Variants in XNDC1N observed in about 807,000 individuals in gnomAD.
XNDC1N encodes the protein protein XNDC1N.
the XNDC1N span, among the ~76,000 whole-genome samples, chr11:71,886,139 G>T: frequency 3.6e-3 from 549 of 152,096 alleles, 4 homozygotes; most frequent in African/African-American, 0.013. Flanking sequence ...GTGGAGAGGC[G>T]TGTTTTTGGG....
chr11:71,910,001 C>T, the XNDC1N span, among the ~76,000 whole-genome samples: 26 of 151,938 alleles, frequency 1.7e-4, no homozygotes, highest in East Asian at 7.7e-4. Flanking sequence ...AGAGTACGGG[C>T]AGAAGACAAC....
chr11:71,869,772 C>G, the XNDC1N span, among the ~76,000 whole-genome samples: 1 of 152,164 alleles, frequency 6.6e-6, no homozygotes, highest in African/African-American at 2.4e-5. Context: ...AGAACCATTG[C>G]TGAGGAACTA....
chr11:71,913,216 C>T, the XNDC1N span, among the ~76,000 whole-genome samples: 2 of 152,208 alleles, frequency 1.3e-5, no homozygotes, highest in East Asian at 1.9e-4. Flanking sequence ...TCCTCTCTCC[C>T]TGTGGATATT....
chr11:71,916,371 A>G, the XNDC1N span: 3 of 616,300 alleles, frequency 4.9e-6, no homozygotes, highest in South Asian at 1.9e-5. Flanking sequence ...CCAACAAAAG[A>G]AGGAGGTCTT....
the XNDC1N span, among the ~76,000 whole-genome samples, chr11:71,893,029 C>A: frequency 6.6e-6 from 1 of 152,226 alleles, no homozygotes; most frequent in Non-Finnish European, 1.5e-5. Flanking sequence ...TTTACATATT[C>A]TACATCAATG....
the XNDC1N span, among the ~76,000 whole-genome samples, chr11:71,925,737 G>A: frequency 6.7e-6 from 1 of 149,580 alleles, no homozygotes; most frequent in Non-Finnish European, 1.5e-5. Context: ...AAAATTAGCC[G>A]GACGTGGTGG....
the XNDC1N span, among the ~76,000 whole-genome samples, chr11:71,913,699 A>G: frequency 6.6e-6 from 1 of 151,876 alleles, no homozygotes; most frequent in East Asian, 1.9e-4. Context: ...GAAAAACAAA[A>G]GAAGATGCCA....
At chr11:71,866,841 T>C in the XNDC1N span, among the ~76,000 whole-genome samples, 1 of 152,140 alleles carries the variant, frequency 6.6e-6, no homozygotes, top group Non-Finnish European at 1.5e-5. Flanking sequence ...GTTGTACATT[T>C]AGAAGTTTGT....
At chr11:71,917,387 TATAA>T in the XNDC1N span, 3 of 614,176 alleles carry the variant, frequency 4.9e-6, no homozygotes, top group Non-Finnish European at 5.8e-6. Flanking sequence ...TATATATAAA[TATAA>T]ATAGTTCATA....
At chr11:71,890,281 T>A in the XNDC1N span, among the ~76,000 whole-genome samples, 3 of 152,152 alleles carry the variant, frequency 2.0e-5, no homozygotes, top group Non-Finnish European at 4.4e-5. Flanking sequence ...CCTTCTTGGA[T>A]ATTAGGAACA....
chr11:71,866,133 C>T, the XNDC1N span, among the ~76,000 whole-genome samples: 1 of 102,970 alleles, frequency 9.7e-6, no homozygotes, highest in South Asian at 3.9e-4. Flanking sequence ...AGATATAGAT[C>T]TAGAGATAAC....
At chr11:71,904,755 T>TC in the XNDC1N span, among the ~76,000 whole-genome samples, 1 of 151,992 alleles carries the variant, frequency 6.6e-6, no homozygotes, top group Non-Finnish European at 1.5e-5. Context: ...GGAGTAATAT[T>TC]CCCCTAGGAT....
At chr11:71,923,854 CGAGT>C in the XNDC1N span, among the ~76,000 whole-genome samples, 1 of 152,050 alleles carries the variant, frequency 6.6e-6, no homozygotes, top group Non-Finnish European at 1.5e-5. Flanking sequence ...TGTGCCTGGC[CGAGT>C]CAGTCCATTT....
chr11:71,889,877 G>C, the XNDC1N span, among the ~76,000 whole-genome samples: 4 of 152,246 alleles, frequency 2.6e-5, no homozygotes, highest in South Asian at 8.3e-4. Context: ...TATCAAACAC[G>C]AACAGAGAAA....
chr11:71,928,318 C>G, the XNDC1N span: 15 of 612,178 alleles, frequency 2.5e-5, no homozygotes, highest in Non-Finnish European at 4.1e-5. Context: ...CACCCTCCTC[C>G]CTCTCGGCCA....
chr11:71,918,564 G>A, the XNDC1N span, among the ~76,000 whole-genome samples: 164 of 152,334 alleles, frequency 1.1e-3, no homozygotes, highest in Non-Finnish European at 1.7e-3. Context: ...TTACAGGCAT[G>A]AGCCATTGTG....
At chr11:71,886,045 G>A in the XNDC1N span, among the ~76,000 whole-genome samples, 4 of 151,824 alleles carry the variant, frequency 2.6e-5, no homozygotes, top group Non-Finnish European at 5.9e-5. Flanking sequence ...CTCCTCCCTC[G>A]GCAGCTCGTT....
chr11:71,914,495 T>C, the XNDC1N span: 1 of 398,774 alleles, frequency 2.5e-6, no homozygotes. Context: ...GAGACCAGCC[T>C]GGTCAACATG....
the XNDC1N span, among the ~76,000 whole-genome samples, chr11:71,908,543 TGA>T: frequency 6.6e-6 from 1 of 152,108 alleles, no homozygotes; most frequent in Non-Finnish European, 1.5e-5. Flanking sequence ...CAAATGCCCC[TGA>T]GAGAGCAGCG....
Sources: gnomAD v4.1 joint callset for allele counts (sites outside exome capture counted in the v4.1 genomes callset) on GRCh38, gnomAD v4.1.1 for gene constraint, MANE v1.5 for transcripts, NCBI Gene and HGNC (gene_info 2026-07-23, HGNC 2026-07-21) for gene names.